The following ETAA1 variants were observed in gnomAD, a reference collection of about 807,000 sequenced individuals.
The protein encoded by ETAA1 is ewing's tumor-associated antigen 1.
Under a neutral mutation model 76.8 loss-of-function variants are expected in ETAA1, and 49 were observed. The observed-to-expected ratio is 0.64, with a 90% confidence interval of 0.51 to 0.81. The LOEUF is 0.81. ETAA1 is among the 30% of genes least tolerant of loss of function. ETAA1 has a pLI of 0.00. For synonymous variants in ETAA1, 373 were observed against 372.2 expected, an observed-to-expected ratio of 1.00 and a Z score of -0.03; for missense variants, 1,099 against 1,074.0, an observed-to-expected ratio of 1.02 and a Z score of -0.32.
At position 67,403,489 on chromosome 2, in the gene ETAA1, C is replaced by T. The variant is rs767809982; in HGVS notation, c.807C>T (p.Ser269=). The part of the protein sequence containing the change: ...TKISVANNQN[S]SQKPFDQIAE... ...TATCTGTGGCAAATAATCAAAATAG[C>T]AGTCAGAAGCCATTTGACCAAATTG... The change falls in exon 5 of 6, where the codon AGC becomes AGT. Residue 269 remains serine, a synonymous_variant. Coordinates refer to ENST00000272342, the MANE Select transcript of ETAA1 (RefSeq NM_019002.4). 1.2e-6 allele frequency: 2 copies of T among 1,613,400 alleles called. No individual in the cohort carries two copies. The highest frequency in any genetic ancestry group is 8.5e-7 in the Non-Finnish European group (1 of 1,179,442).
chr2:67,409,822 T>A, intron 5 of ETAA1, 89 bp from the exon 6 acceptor site: 1 of 1,197,544 alleles, frequency 8.4e-7, no homozygotes, highest in Non-Finnish European at 1.2e-6. Flanking sequence ...ATGGCAAATC[T>A]GGGTGATTAA....
rs1428748842 is a variant in ETAA1 at position 67,405,193 on chromosome 2, A to T, written c.2511A>T (p.Gln837His). The change falls in exon 5 of 6, where the codon CAA (glutamine) becomes CAT (histidine). Residue 837 changes from glutamine (Q) to histidine (H), a missense_variant. By Grantham distance (24) the Gln-to-His change is conservative. Coordinates refer to ENST00000272342, the MANE Select transcript of ETAA1 (RefSeq NM_019002.4). ...KNSQILSQFN[Q>H]NCITGSMSDT... ...CTCAGATTCTTTCTCAGTTTAATCA[A>T]AATTGTATAACTGGAAGTATGTCTG... The T allele has an allele frequency of 6.2e-7, 1 of 1,612,642 alleles. No homozygotes were observed. The highest frequency in any genetic ancestry group is 2.2e-5 in the East Asian group (1 of 44,798).
chr2:67,409,493 AGATT>A (rs915379043), intron 5 of ETAA1, among the ~76,000 whole-genome samples: 11 of 151,886 alleles, frequency 7.2e-5, no homozygotes, highest in African/African-American at 2.4e-4. Context: ...ACACTGTTTG[AGATT>A]GATAACTAAT....
chr2:67,409,801 A>T, intron 5 of ETAA1, 110 bp from the exon 6 acceptor site: 1 of 933,684 alleles, frequency 1.1e-6, no homozygotes, highest in Non-Finnish European at 1.6e-6. Flanking sequence ...TTGATTTAAT[A>T]GCCAACTAAT....
chr2:67,398,728 A>G (rs1434187266), intron 1 of ETAA1, among the ~76,000 whole-genome samples: 1 of 152,198 alleles, frequency 6.6e-6, no homozygotes, highest in Non-Finnish European at 1.5e-5. Context: ...ATTCCCAAGC[A>G]TTGGATCACT....
At chr2:67,400,795 G>A (rs1205778753) in intron 3 of ETAA1, 2 of 152,098 alleles carry the variant, frequency 1.3e-5, no homozygotes, top group Non-Finnish European at 2.9e-5. Context: ...TCACCCAGGT[G>A]GAAGAGACAG....
chr2:67,399,040 A>T, intron 1 of ETAA1, 129 bp from the exon 2 acceptor site: 2 of 796,242 alleles, frequency 2.5e-6, no homozygotes, highest in Non-Finnish European at 3.9e-6. Context: ...CGGTTCAGGT[A>T]ATTATCTCTG....
Position 67,402,907 on chromosome 2 carries a change from G to A in ETAA1, c.475G>A (p.Glu159Lys), listed in dbSNP as rs148098848. Reference sequence around the variant, plus strand: ...TTCTATGCTGGACATGTGGATTGGTGAAACTGCTATTCCTTGTACTCCCAG... The same window carrying A: ...TTCTATGCTGGACATGTGGATTGGTAAAACTGCTATTCCTTGTACTCCCAG... ...TNSMLDMWIG[E>K]TAIPCTPSVA... The change falls in exon 4 of 6, where the codon GAA becomes AAA. Residue 159 changes from glutamate (E) to lysine (K), a missense_variant. This residue lies in a region of ETAA1 where 761 missense variants were observed against 731.9 expected (regional missense o/e 1.04). Transcript: ENST00000272342. The A allele has an allele frequency of 8.3e-5, 133 of 1,605,926 alleles. No homozygotes were observed. The highest frequency in any genetic ancestry group is 1.2e-4 in the Admixed American group (7 of 58,744).
At chr2:67,403,016 A>G (rs1558580333) in intron 4 of ETAA1, 42 bp downstream of exon 4, 4 of 1,518,838 alleles carry the variant, frequency 2.6e-6, no homozygotes, top group Non-Finnish European at 3.6e-6. Context: ...TCAGTGAAGC[A>G]AATATTTTTT....
In ETAA1 at chr2:67,410,143, T is replaced by C; in HGVS notation, c.*105T>C. 9.6e-7 allele frequency: 1 copy of C among 1,037,078 alleles called. No homozygotes were observed. The highest frequency in any genetic ancestry group is 1.5e-5 in the South Asian group (1 of 68,386). The allele number at this position is 1,037,078 out of a possible 1,614,324, so 64.2% of individuals were successfully genotyped here. ...CTGTGAGAAATGTAATGCTGACTTTTATAAAGCCTGGACTTCTACTTTATT... is the reference window on the plus strand; with the variant it reads ...CTGTGAGAAATGTAATGCTGACTTTCATAAAGCCTGGACTTCTACTTTATT... On this transcript the variant is annotated 3_prime_UTR_variant, in exon 6 of 6. Transcript: ENST00000272342.
Position 67,411,668 on chromosome 2 carries a change from A to G in ETAA1, c.*1630A>G, listed in dbSNP as rs1676372650. The G allele has an allele frequency of 6.6e-6, 1 of 152,098 alleles. No homozygotes were observed. Among genetic ancestry groups the G allele is most frequent in the Non-Finnish European group, 1.5e-5 (1 of 68,000 alleles). 9.4% of individuals were successfully genotyped at this position (152,098 alleles called of 1,614,324 possible). A position where few individuals can be genotyped will look rare whatever the true frequency, so the allele number is the denominator to read the frequency against. On this transcript the variant is annotated 3_prime_UTR_variant, in exon 6 of 6. Transcript: ENST00000272342. The stretch of plus-strand genomic sequence containing the variant: ...ATCACGTTAGAGTTGAAAAATTGTA[A>G]GTCAACCATTTTAAGTTGGAGACTG...
In ETAA1 at chr2:67,404,292, T is replaced by A. The variant is rs1216066150; in HGVS notation, c.1610T>A (p.Ile537Asn). ...TCTAATGAACAGAAAAATAAGTGCA[T>A]TTTAAATCAGTCTATTAAAGCCCCT... ...RYSNEQKNKC[I>N]LNQSIKAPVN... is the part of the protein sequence containing the mutation. The change falls in exon 5 of 6, where the codon ATT becomes AAT. Residue 537 changes from isoleucine (I) to asparagine (N), a missense_variant. This residue lies in a region of ETAA1 where 761 missense variants were observed against 731.9 expected (regional missense o/e 1.04). Transcript: ENST00000272342. 1 of 1,612,160 alleles carries A rather than the reference T, an allele frequency of 6.2e-7. No individual in the cohort carries two copies. Among genetic ancestry groups the A allele is most frequent in the Admixed American group, 1.7e-5 (1 of 59,594 alleles).
rs116342176 is a variant in ETAA1, at chr2:67,404,884, A to G, written c.2202A>G (p.Thr734=). The G allele has an allele frequency of 1.4e-3, 2,315 of 1,613,044 alleles. 29 individuals carry two copies. In the African/African-American group the frequency reaches 0.028, roughly 19 times the overall value. Residue 734 remains threonine (T), a synonymous_variant, in exon 5 of 6, where the codon ACA becomes ACG. Transcript: ENST00000272342. Reference sequence around the variant, plus strand: ...ATTCTCCAAGATTTTTAGGTGCCACAAATTTGACTATGTATTCTAAGATCT... The same window carrying G: ...ATTCTCCAAGATTTTTAGGTGCCACGAATTTGACTATGTATTCTAAGATCT... ...YGNSPRFLGA[T]NLTMYSKISN...
chr2:67,404,367 T>A lies in ETAA1; in HGVS notation c.1685T>A (p.Val562Asp). 3 of 1,613,320 alleles carry A rather than the reference T, an allele frequency of 1.9e-6. No individual in the cohort carries two copies. The highest frequency in any genetic ancestry group is 2.5e-6 in the Non-Finnish European group (3 of 1,179,474). ...GSANLGSKTS[V>D]SNPNQTSASK... ...GCAAATCTAGGCAGTAAAACCAGTGTTAGTAACCCAAATCAGACTAGTGCA... is the reference window on the plus strand; with the variant it reads ...GCAAATCTAGGCAGTAAAACCAGTGATAGTAACCCAAATCAGACTAGTGCA... Residue 562 changes from valine (V) to aspartate (D), a missense_variant, in exon 5 of 6, where the codon GTT becomes GAT. Val to Asp is a radical substitution (Grantham distance 152). This residue lies in a region of ETAA1 where 761 missense variants were observed against 731.9 expected (regional missense o/e 1.04). Transcript: ENST00000272342.
rs369257992 is a variant in ETAA1, at chr2:67,403,462, G to A, written c.780G>A (p.Lys260=). The A allele has an allele frequency of 6.2e-6, 10 of 1,613,134 alleles. No individual in the cohort carries two copies. The highest frequency in any genetic ancestry group is 1.3e-5 in the African/African-American group (1 of 74,870). ...AAAAGCCAATCAAAGGAAACACCAAGATATCTGTGGCAAATAATCAAAATA... is the reference window on the plus strand; with the variant it reads ...AAAAGCCAATCAAAGGAAACACCAAAATATCTGTGGCAAATAATCAAAATA... ...ATKKPIKGNT[K]ISVANNQNSS... Residue 260 remains lysine (K), a synonymous_variant, in exon 5 of 6, where the codon AAG becomes AAA. Coordinates refer to ENST00000272342, the MANE Select transcript of ETAA1 (RefSeq NM_019002.4).
At chr2:67,397,782 T>A in intron 1 of ETAA1, 111 bp downstream of exon 1, 2 of 1,125,808 alleles carry the variant, frequency 1.8e-6, no homozygotes, top group Non-Finnish European at 2.6e-6. Flanking sequence ...GTATTCTGTC[T>A]CTGGGATTCA....
At chr2:67,398,002 C>T (rs1314626269) in intron 1 of ETAA1, among the ~76,000 whole-genome samples, 6 of 152,144 alleles carry the variant, frequency 3.9e-5, no homozygotes, top group African/African-American at 1.2e-4. Flanking sequence ...GCTGATAGGC[C>T]CGCTAACCTC....
chr2:67,406,620 C>G (rs770589100), intron 5 of ETAA1, among the ~76,000 whole-genome samples: 20 of 152,050 alleles, frequency 1.3e-4, no homozygotes, highest in Non-Finnish European at 1.2e-4. Context: ...GTTAAGTCTT[C>G]TGTTTCTCCT....
At position 67,397,617 on chromosome 2, in the gene ETAA1, C is replaced by T; in HGVS notation, c.169C>T (p.Arg57Trp). Residue 57 changes from arginine (R) to tryptophan (W), a missense_variant, in exon 1 of 6, where the codon CGG (arginine) becomes TGG (tryptophan). Physicochemically the swap from Arg to Trp is moderately radical, Grantham distance 101. Around this residue, in one of 3 missense-constraint regions of ETAA1, gnomAD observed 761 missense variants for 731.9 expected, o/e 1.04. Coordinates refer to ENST00000272342, the MANE Select transcript of ETAA1 (RefSeq NM_019002.4). ...TAGAGAGGGGCCTCCCGGGCCAGTG[C>T]GGCAGCGAGAGCAGCCTCCGACCGC... ...GAREGPPGPV[R>W]QREQPPTAAL... 1 of 1,548,396 alleles carries T rather than the reference C, an allele frequency of 6.5e-7. No individual in the cohort carries two copies. Among genetic ancestry groups the T allele is most frequent in the Non-Finnish European group, 8.7e-7 (1 of 1,146,890 alleles).
Sources: gnomAD v4.1 joint callset for allele counts (sites outside exome capture counted in the v4.1 genomes callset) on GRCh38, gnomAD v4.1.1 for gene constraint, gnomAD v4.1.1 regional missense constraint, MANE v1.5 for transcripts, NCBI Gene and HGNC (gene_info 2026-07-23, HGNC 2026-07-21) for gene names.